CSPP1: variants seen among roughly 807,000 people sequenced by gnomAD.
CSPP1 encodes the protein centrosome and spindle pole associated protein 1.
CSPP1 carries 126 observed loss-of-function variants against 164.4 expected under a neutral mutation model. That is an observed-to-expected ratio of 0.77 (90% CI 0.66 to 0.89). The LOEUF is 0.89. Ranked by LOEUF, CSPP1 falls within the 40% of genes least tolerant of loss-of-function variation. CSPP1 has a pLI of 0.00. For missense variants in CSPP1, 1,395 were observed against 1,449.8 expected, an observed-to-expected ratio of 0.96 and a Z score of 0.61; for synonymous variants, 472 against 476.7, an observed-to-expected ratio of 0.99 and a Z score of 0.13.
intron 16 of CSPP1, among the ~76,000 whole-genome samples, chr8:67,136,520 G>T (rs1316246035): frequency 7.9e-6 from 1 of 127,326 alleles, no homozygotes; most frequent in Non-Finnish European, 1.6e-5. Context: ...AGTGAGCTGA[G>T]ATCACGCCAC....
intron 15 of CSPP1, among the ~76,000 whole-genome samples, chr8:67,127,363 G>A (rs1455538097): frequency 6.6e-6 from 1 of 152,156 alleles, no homozygotes; most frequent in Non-Finnish European, 1.5e-5. Flanking sequence ...CTTTGTCATT[G>A]TATCCTCACA....
At chr8:67,085,983 A>T in intron 3 of CSPP1, 24 bp from the exon 4 acceptor site, 1 of 945,968 alleles carries the variant, frequency 1.1e-6, no homozygotes, top group Non-Finnish European at 1.7e-6. Context: ...AATGAATTAT[A>T]CTAAGAAGTT....
intron 24 of CSPP1, among the ~76,000 whole-genome samples, chr8:67,167,144 A>G (rs1422658811): frequency 6.6e-6 from 1 of 152,216 alleles, no homozygotes; most frequent in African/African-American, 2.4e-5. Flanking sequence ...ACACAGCAAC[A>G]ATCTGATTTC....
At chr8:67,168,385 CT>C (rs1326350797) in intron 24 of CSPP1, among the ~76,000 whole-genome samples, 2 of 152,010 alleles carry the variant, frequency 1.3e-5, no homozygotes, top group Non-Finnish European at 2.9e-5. Flanking sequence ...ATTAATTTTT[CT>C]TTTCATTAAT....
At position 67,164,538 on chromosome 8, in the gene CSPP1, G is replaced by A. The variant is rs768947456; in HGVS notation, c.2828+30G>A. 2.3e-5 allele frequency: 24 copies of A among 1,043,802 alleles called. 1 individual carries two copies. The highest frequency in any genetic ancestry group is 2.0e-4 in the South Asian group (15 of 75,796). 64.7% of individuals were successfully genotyped at this position (1,043,802 alleles called of 1,614,324 possible). On this transcript the variant is annotated intron_variant, in intron 24 of 30. Coordinates refer to ENST00000678616, the MANE Select transcript of CSPP1 (RefSeq NM_001382391.1). ...GTTTAGAATTGCAGTTTTTGTGTTCGCTTGAGTTCTTTTATCTTACTTCAC... is the reference window on the plus strand; with the variant it reads ...GTTTAGAATTGCAGTTTTTGTGTTCACTTGAGTTCTTTTATCTTACTTCAC...
intron 18 of CSPP1, among the ~76,000 whole-genome samples, chr8:67,153,751 G>T (rs1212872422): frequency 6.6e-6 from 1 of 151,906 alleles, no homozygotes; most frequent in Non-Finnish European, 1.5e-5. Context: ...AATGAGGGTT[G>T]TTTAAGCTGT....
At position 67,181,030 on chromosome 8, in the gene CSPP1, G is replaced by GT. The variant is rs376605644; in HGVS notation, c.3220+1114dup. On this transcript the variant is annotated intron_variant, in intron 28 of 30. Transcript: ENST00000678616. ...ATTAACTTATATTTTTCTCTTAATG[G>GT]TTTTTTTTTTGTTGTTGCTGTTTTT... is the stretch of plus-strand genomic sequence containing the variant. 5.6e-3 allele frequency among the ~76,000 whole-genome samples: 830 copies of GT among 147,656 alleles called. 8 individuals are homozygous for GT. Among genetic ancestry groups the GT allele is most frequent in the African/African-American group, 0.016 (635 of 40,320 alleles).
At position 67,172,490 on chromosome 8, in the gene CSPP1, C is replaced by T. The variant is rs1251236533; in HGVS notation, c.2903C>T (p.Ser968Phe). The T allele has an allele frequency of 3.7e-6, 6 of 1,613,058 alleles. No homozygotes were observed. In the Admixed American group the frequency reaches 5.0e-5, roughly 13 times the overall value. The change falls in exon 25 of 31, where the codon TCC becomes TTC. Residue 968 changes from serine to phenylalanine, a missense_variant. Coordinates refer to ENST00000678616, the MANE Select transcript of CSPP1 (RefSeq NM_001382391.1). Reference sequence around the variant, plus strand: ...TTGCAAGCTCCTGTCAGAAGACAGTCCCCTAAGGGCTTAGACGCTGCCACT... The same window carrying T: ...TTGCAAGCTCCTGTCAGAAGACAGTTCCCTAAGGGCTTAGACGCTGCCACT... ...HRLQAPVRRQ[S>F]PKGLDAATFQ...
chr8:67,149,615 A>C (rs553298953), intron 17 of CSPP1, among the ~76,000 whole-genome samples, 168 bp from the exon 18 acceptor site: 17 of 152,326 alleles, frequency 1.1e-4, no homozygotes, highest in Admixed American at 1.0e-3. Context: ...AAATCTTAAA[A>C]GTTTTGATAA....
intron 7 of CSPP1, 65 bp from the exon 8 acceptor site, chr8:67,102,972 A>G: frequency 3.3e-6 from 3 of 905,544 alleles, no homozygotes; most frequent in African/African-American, 1.7e-5. Context: ...ATGTAAAAAC[A>G]CCAAACTGTT....
chr8:67,173,893 CAT>C (rs1393538935), intron 25 of CSPP1: 5 of 152,134 alleles, frequency 3.3e-5, no homozygotes, highest in African/African-American at 1.2e-4. Flanking sequence ...CTCATTCTCT[CAT>C]GTGTATATAG....
Position 67,095,627 on chromosome 8 carries a change from A to T in CSPP1, c.818A>T (p.Tyr273Phe). The change falls in exon 7 of 31, where the codon TAT becomes TTT. Residue 273 changes from tyrosine (Y) to phenylalanine (F), a missense_variant. Physicochemically the swap from Tyr to Phe is conservative, Grantham distance 22 (BLOSUM62 3). Transcript: ENST00000678616. ...FNEDRVFDRR[Y>F]HRPDQDPEVS... ...GAGGATCGTGTTTTTGATAGACGGT[A>T]TCATAGACCAGACCAAGATCCTGAA... The T allele has an allele frequency of 6.2e-7, 1 of 1,613,656 alleles. No homozygotes were observed. The highest frequency in any genetic ancestry group is 8.5e-7 in the Non-Finnish European group (1 of 1,179,624).
At chr8:67,115,259 C>T (rs1173842540) in intron 12 of CSPP1, 1 of 152,214 alleles carries the variant, frequency 6.6e-6, no homozygotes, top group Non-Finnish European at 1.5e-5. Context: ...AAAAAGAATA[C>T]TACAGGTATA....
chr8:67,158,937 G>T (rs527797613), intron 20 of CSPP1, 54 bp from the exon 21 acceptor site: 82 of 1,369,588 alleles, frequency 6.0e-5, no homozygotes, highest in Non-Finnish European at 7.7e-5. Flanking sequence ...GCACATTTTT[G>T]AATGTACTAT....
chr8:67,129,928 C>T (rs1034146435), intron 15 of CSPP1, among the ~76,000 whole-genome samples: 7 of 152,132 alleles, frequency 4.6e-5, no homozygotes, highest in African/African-American at 1.2e-4. Context: ...TGGTGATGAT[C>T]GCACAACTCT....
In CSPP1 at chr8:67,095,459, ACC is replaced by A; in HGVS notation, c.651_652del (p.Tyr217Ter). The A allele has an allele frequency of 6.2e-7, 1 of 1,613,590 alleles. No individual in the cohort carries two copies. The highest frequency in any genetic ancestry group is 8.5e-7 in the Non-Finnish European group (1 of 1,179,914). Reference sequence around the variant, plus strand: ...CAAAGACGACTAGAGGAGGACAGATACCGACAACTAGATGATGAAATCGAATT... The same window carrying A: ...CAAAGACGACTAGAGGAGGACAGATAGACAACTAGATGATGAAATCGAATT... On this transcript the variant is annotated stop_gained and frameshift_variant, in exon 7 of 31. Transcript: ENST00000678616. LOFTEE classifies it high-confidence loss of function.
chr8:67,078,229 T>C (rs979400833), intron 3 of CSPP1, among the ~76,000 whole-genome samples: 2 of 152,182 alleles, frequency 1.3e-5, no homozygotes, highest in African/African-American at 4.8e-5. Context: ...CTACACTTTG[T>C]TTCCTTATCT....
At chr8:67,068,010 T>C (rs1333289975) in intron 1 of CSPP1, among the ~76,000 whole-genome samples, 1 of 152,052 alleles carries the variant, frequency 6.6e-6, no homozygotes, top group African/African-American at 2.4e-5. Flanking sequence ...CCACCATGCC[T>C]GGCTAATTTT....
rs563261241 is a variant in CSPP1, at chr8:67,189,702, C to G, written c.3221-948C>G. 3.3e-5 allele frequency among the ~76,000 whole-genome samples: 5 copies of G among 152,220 alleles called. No individual in the cohort carries two copies. The South Asian group carries it at 6.2e-4, about 19-fold the overall frequency. ...GGATAAACACTGAAATATTGAGAGACAAAATGCCATGATGTCACCAACTTA... is the reference window on the plus strand; with the variant it reads ...GGATAAACACTGAAATATTGAGAGAGAAAATGCCATGATGTCACCAACTTA... On this transcript the variant is annotated intron_variant, in intron 28 of 30. Transcript: ENST00000678616.
Sources: allele counts gnomAD v4.1 joint callset (sites outside exome capture counted in the v4.1 genomes callset), GRCh38; gene constraint gnomAD v4.1.1; transcripts MANE v1.5; gene names NCBI Gene and HGNC (gene_info 2026-07-23, HGNC 2026-07-21).